The following GCH1 variants were observed in gnomAD, a reference collection of about 807,000 sequenced individuals.
The protein encoded by GCH1 is GTP cyclohydrolase 1, also known as GTP cyclohydrolase I.
GCH1 carries 5 observed loss-of-function variants against 25.9 expected under a neutral mutation model. That is an observed-to-expected ratio of 0.19 (90% CI 0.10 to 0.41). The LOEUF is 0.41. GCH1 is among the 10% of genes least tolerant of loss of function. GCH1 has a pLI of 1.00. For synonymous variants in GCH1, 159 were observed against 129.6 expected (o/e 1.23, Z -1.54); for missense variants, 261 against 336.5 (o/e 0.78, Z 1.75).
chr14:54,880,521 A>G (rs1385880285), intron 1 of GCH1, among the ~76,000 whole-genome samples: 3 of 31,812 alleles, frequency 9.4e-5, no homozygotes, highest in Admixed American at 3.1e-4. Context: ...TATACTCCAT[A>G]TATATATATA....
chr14:54,853,026 C>T (rs138899753), intron 3 of GCH1, among the ~76,000 whole-genome samples: 249 of 152,260 alleles, frequency 1.6e-3, no homozygotes, highest in African/African-American at 5.8e-3. Flanking sequence ...TGCAATGGTG[C>T]GATCTCAGCT....
chr14:54,870,168 A>G (rs1301580292), intron 1 of GCH1, among the ~76,000 whole-genome samples: 3 of 152,142 alleles, frequency 2.0e-5, no homozygotes, highest in African/African-American at 7.2e-5. Flanking sequence ...TAAATTTTAC[A>G]TAAGATAAGT....
intron 1 of GCH1, among the ~76,000 whole-genome samples, chr14:54,873,971 G>A (rs1044380458): frequency 2.0e-5 from 3 of 152,118 alleles, no homozygotes; most frequent in Non-Finnish European, 4.4e-5. Context: ...AGAAAAAGAG[G>A]GAATCCTCCC....
chr14:54,891,156 G>A (rs1038483219), intron 1 of GCH1, among the ~76,000 whole-genome samples: 1 of 152,198 alleles, frequency 6.6e-6, no homozygotes, highest in African/African-American at 2.4e-5. Flanking sequence ...AGGTTGGAGT[G>A]TAGTGGCACA....
intron 3 of GCH1, among the ~76,000 whole-genome samples, 188 bp from the exon 4 acceptor site, chr14:54,847,318 T>C (rs1035290661): frequency 6.6e-6 from 1 of 152,180 alleles, no homozygotes; most frequent in African/African-American, 2.4e-5. Flanking sequence ...TTGATTGGAT[T>C]GAAGGATGCA....
chr14:54,870,335 CAAAAA>C (rs561453897), intron 1 of GCH1, among the ~76,000 whole-genome samples: 3 of 66,604 alleles, frequency 4.5e-5, no homozygotes, highest in African/African-American at 6.1e-5. Context: ...CTGTTTTTAC[CAAAAA>C]AAAAAAAAAA....
intron 1 of GCH1, chr14:54,885,908 CAACA>C: frequency 1.6e-5 from 3 of 190,726 alleles, no homozygotes; most frequent in East Asian, 1.7e-4. Flanking sequence ...ACAACAACAA[CAACA>C]AAAAAAAACG....
chr14:54,861,027 G>T (rs1218407153), intron 2 of GCH1, among the ~76,000 whole-genome samples: 1 of 152,190 alleles, frequency 6.6e-6, no homozygotes, highest in Non-Finnish European at 1.5e-5. Context: ...AAAAACATTA[G>T]TTCTCTGAAA....
chr14:54,888,342 C>T (rs1052059112), intron 1 of GCH1, among the ~76,000 whole-genome samples: 2 of 152,122 alleles, frequency 1.3e-5, no homozygotes, highest in African/African-American at 4.8e-5. Flanking sequence ...CCCACCCATG[C>T]TCAGAGACCT....
At chr14:54,850,722 T>C (rs927648884) in intron 3 of GCH1, among the ~76,000 whole-genome samples, 1 of 152,154 alleles carries the variant, frequency 6.6e-6, no homozygotes, top group African/African-American at 2.4e-5. Context: ...AGTGAGAACA[T>C]GCAGGGTTTG....
At chr14:54,881,752 A>T (rs1420688492) in intron 1 of GCH1, among the ~76,000 whole-genome samples, 1 of 152,226 alleles carries the variant, frequency 6.6e-6, no homozygotes, top group African/African-American at 2.4e-5. Flanking sequence ...ATTGCAAAAA[A>T]AGTAAAAGTT....
chr14:54,860,897 C>T (rs1222753272), intron 2 of GCH1, among the ~76,000 whole-genome samples: 1 of 152,162 alleles, frequency 6.6e-6, no homozygotes, highest in African/African-American at 2.4e-5. Context: ...CAAGAACCTG[C>T]ACCCTAAGAA....
chr14:54,844,557 A>G lies in GCH1; in HGVS notation c.627-414T>C, dbSNP rs185476823. 7.2e-4 allele frequency among the ~76,000 whole-genome samples: 109 copies of G among 152,344 alleles called. 1 individual carries two copies. The highest frequency in any genetic ancestry group is 2.5e-3 in the African/African-American group (103 of 41,600). ...CTGCCTTCAGGACCAAGACAGCACT[A>G]TGCTAGCCTAGGTGTTCAGATAAAT... On this transcript the variant is annotated intron_variant, in intron 5 of 5. Coordinates refer to ENST00000491895, the MANE Select transcript of GCH1 (RefSeq NM_000161.3).
chr14:54,892,498 G>A (rs1305274855), intron 1 of GCH1, among the ~76,000 whole-genome samples: 1 of 152,128 alleles, frequency 6.6e-6, no homozygotes, highest in African/African-American at 2.4e-5. Flanking sequence ...AGAACAGCCT[G>A]GCCAACACGG....
At chr14:54,849,690 C>A (rs1332403404) in intron 3 of GCH1, among the ~76,000 whole-genome samples, 1 of 152,164 alleles carries the variant, frequency 6.6e-6, no homozygotes, top group Non-Finnish European at 1.5e-5. Flanking sequence ...TTGCATCTAG[C>A]ACATTGCCTC....
rs183322243 is a variant in GCH1 at position 54,900,428 on chromosome 14, T to C, written c.343+1893A>G. On this transcript the variant is annotated intron_variant, in intron 1 of 5. Coordinates refer to ENST00000491895, the MANE Select transcript of GCH1 (RefSeq NM_000161.3). ...GGTTTCGCCATGTTGACCGGGCTGG[T>C]CTTGAACTCCTGACCTCAGGTGATC... Among the ~76,000 whole-genome samples, 1,456 of 151,704 alleles carry C rather than the reference T, an allele frequency of 9.6e-3. 25 individuals are homozygous for C. The highest frequency in any genetic ancestry group is 0.033 in the African/African-American group (1,366 of 41,312).
In GCH1 at chr14:54,859,661, C is replaced by G. The variant is rs2039865201; in HGVS notation, c.509+20G>C. The G allele has an allele frequency of 6.9e-7, 1 of 1,457,434 alleles. No individual in the cohort carries two copies. The highest frequency in any genetic ancestry group is 9.6e-7 in the Non-Finnish European group (1 of 1,037,406). The allele number at this position is 1,457,434 out of a possible 1,614,324, so 90.3% of individuals were successfully genotyped here. ...GGTCCTATAAACCTGTATTCTTGTT[C>G]ACTGCACAGTCACACTTACCTCGCA... On this transcript the variant is annotated intron_variant, in intron 3 of 5. Transcript: ENST00000491895.
At chr14:54,898,451 G>A (rs1439541002) in intron 1 of GCH1, among the ~76,000 whole-genome samples, 1 of 152,010 alleles carries the variant, frequency 6.6e-6, no homozygotes, top group East Asian at 1.9e-4. Context: ...GTACACTTGG[G>A]CTACACTAAA....
At chr14:54,869,408 G>A (rs1430330241) in intron 1 of GCH1, among the ~76,000 whole-genome samples, 4 of 152,076 alleles carry the variant, frequency 2.6e-5, no homozygotes, top group Admixed American at 6.6e-5. Context: ...GGAGAAACTG[G>A]GGAAAGGGTA....
Sources: gnomAD v4.1 joint callset for allele counts (sites outside exome capture counted in the v4.1 genomes callset) on GRCh38, gnomAD v4.1.1 for gene constraint, MANE v1.5 for transcripts, NCBI Gene and HGNC (gene_info 2026-07-23, HGNC 2026-07-21) for gene names.